The following OPN5 variants were observed in gnomAD, a reference collection of about 807,000 sequenced individuals.
OPN5 encodes opsin-5.
In OPN5, 18 loss-of-function variants were observed where a neutral mutation model predicts 41.7. The ratio of observed to expected loss-of-function variants is 0.43; its 90% CI spans 0.30 to 0.64. The LOEUF is 0.64. OPN5 is among the 30% of genes least tolerant of loss of function. The pLI is 0.13. For synonymous variants in OPN5, 178 were observed against 164.3 expected (o/e 1.08, Z -0.64); for missense variants, 318 against 434.5 (o/e 0.73, Z 2.38).
At position 47,795,200 on chromosome 6, in the gene OPN5, T is replaced by A. The variant is rs201214253; in HGVS notation, c.422-29T>A. 867 of 1,524,208 alleles carry A rather than the reference T, an allele frequency of 5.7e-4. 1 individual carries two copies. Among genetic ancestry groups the A allele is most frequent in the Non-Finnish European group, 7.2e-4 (810 of 1,128,366 alleles). The allele number at this position is 1,524,208 out of a possible 1,614,324, so 94.4% of individuals were successfully genotyped here. ...GTATCTGGGTGTAGGGCAGATTACA[T>A]CCGGGTAATGCTTTTCTTCCGCCTC... On this transcript the variant is annotated intron_variant, in intron 3 of 6. Transcript: ENST00000371211.
intron 6 of OPN5, 25 bp downstream of exon 6, chr6:47,811,756 T>C: frequency 1.3e-6 from 2 of 1,521,780 alleles, no homozygotes; most frequent in African/African-American, 1.4e-5. Flanking sequence ...ACAGCATCAC[T>C]ATGGACACTC....
chr6:47,793,436 G>A (rs966845669), intron 3 of OPN5, among the ~76,000 whole-genome samples: 6 of 152,126 alleles, frequency 3.9e-5, no homozygotes, highest in South Asian at 2.1e-4. Flanking sequence ...TCCACACAGC[G>A]TCCCAGAATG....
intron 1 of OPN5, among the ~76,000 whole-genome samples, 178 bp downstream of exon 1, chr6:47,782,374 T>C (rs1773111784): frequency 6.6e-6 from 1 of 152,178 alleles, no homozygotes; most frequent in Non-Finnish European, 1.5e-5. Context: ...TAGAAATGAC[T>C]CTTTATTATC....
chr6:47,824,905 G>A (rs541604961), downstream of OPN5: 1 of 144,450 alleles, frequency 6.9e-6, no homozygotes, highest in Non-Finnish European at 1.5e-5. Context: ...TTTTTACTTT[G>A]TTGGAAACTA....
intron 4 of OPN5, among the ~76,000 whole-genome samples, chr6:47,805,582 C>A (rs781772489): frequency 1.3e-5 from 2 of 152,022 alleles, no homozygotes; most frequent in Non-Finnish European, 2.9e-5. Flanking sequence ...GGCCAACACA[C>A]CCCATAGACA....
At chr6:47,796,024 C>T (rs1028296198) in intron 4 of OPN5, among the ~76,000 whole-genome samples, 2 of 152,104 alleles carry the variant, frequency 1.3e-5, no homozygotes, top group African/African-American at 4.8e-5. Flanking sequence ...TAAGAGTTTA[C>T]CATGTGTGCT....
chr6:47,804,341 T>G (rs1181048692), intron 4 of OPN5, among the ~76,000 whole-genome samples: 3 of 152,124 alleles, frequency 2.0e-5, no homozygotes, highest in African/African-American at 7.2e-5. Flanking sequence ...TAGAAAAAGT[T>G]GATGGGTACA....
exon 2 of OPN5, chr6:47,786,540 A>T (rs1489770291): frequency 1.9e-6 from 3 of 1,610,610 alleles, no homozygotes; most frequent in Admixed American, 1.7e-5. Flanking sequence ...TTGGAAATGG[A>T]TATGTCCTTT....
At chr6:47,786,381 A>G (rs1415377087) in intron 1 of OPN5, 134 bp from the exon 2 acceptor site, 1 of 641,666 alleles carries the variant, frequency 1.6e-6, no homozygotes, top group East Asian at 2.7e-5. Flanking sequence ...TTCTTAATTT[A>G]GATTTTTTTA....
intron 1 of OPN5, among the ~76,000 whole-genome samples, chr6:47,785,551 T>C (rs1773171912): frequency 6.6e-6 from 1 of 152,206 alleles, no homozygotes; most frequent in Admixed American, 6.5e-5. Context: ...TATTCCTTAC[T>C]ACTAAAGGCA....
intron 1 of OPN5, among the ~76,000 whole-genome samples, chr6:47,783,964 G>C (rs949703085): frequency 6.6e-6 from 1 of 152,150 alleles, no homozygotes; most frequent in Non-Finnish European, 1.5e-5. Context: ...TCTTAAGCAG[G>C]GAGGATTGCA....
At chr6:47,792,649 C>T (rs1469809053) in intron 3 of OPN5, among the ~76,000 whole-genome samples, 2 of 152,140 alleles carry the variant, frequency 1.3e-5, no homozygotes, top group Non-Finnish European at 2.9e-5. Flanking sequence ...TTGGAGCTCT[C>T]GGAATTTATC....
chr6:47,818,703 T>C (rs1762504396), intron 6 of OPN5, among the ~76,000 whole-genome samples: 1 of 152,196 alleles, frequency 6.6e-6, no homozygotes, highest in African/African-American at 2.4e-5. Context: ...CCCACCTATT[T>C]TGAGCTATTT....
chr6:47,806,658 A>G (rs925302033), intron 4 of OPN5, among the ~76,000 whole-genome samples: 2 of 152,176 alleles, frequency 1.3e-5, no homozygotes, highest in Non-Finnish European at 2.9e-5. Context: ...TGTCTCAAAG[A>G]ATACAGAATT....
intron 4 of OPN5, among the ~76,000 whole-genome samples, chr6:47,806,870 T>G (rs1420980729): frequency 6.6e-6 from 1 of 152,130 alleles, no homozygotes; most frequent in Non-Finnish European, 1.5e-5. Flanking sequence ...GTAACTCTCC[T>G]CAGTAGGCCA....
intron 2 of OPN5, among the ~76,000 whole-genome samples, chr6:47,788,700 A>G (rs1773269288): frequency 6.6e-6 from 1 of 151,748 alleles, no homozygotes; most frequent in South Asian, 2.1e-4. Context: ...TTATGCAACT[A>G]ATACTTGTTG....
intron 6 of OPN5, among the ~76,000 whole-genome samples, chr6:47,818,067 T>C (rs1353057375): frequency 1.3e-5 from 2 of 152,140 alleles, no homozygotes; most frequent in African/African-American, 4.8e-5. Flanking sequence ...GAAAGAAGGG[T>C]ATTTTCCTTA....
chr6:47,807,655 T>C (rs535996346), intron 4 of OPN5, among the ~76,000 whole-genome samples: 2 of 152,260 alleles, frequency 1.3e-5, no homozygotes, highest in African/African-American at 4.8e-5. Flanking sequence ...GTCTCACACC[T>C]GACAAAAATT....
intron 2 of OPN5, among the ~76,000 whole-genome samples, chr6:47,789,321 C>T (rs150530477): frequency 1.5e-3 from 223 of 152,222 alleles, no homozygotes; most frequent in African/African-American, 5.0e-3. Flanking sequence ...TTCCATCTAC[C>T]TGCTTTCTCT....
Sources: allele counts gnomAD v4.1 joint callset (sites outside exome capture counted in the v4.1 genomes callset), GRCh38; gene constraint gnomAD v4.1.1; transcripts MANE v1.5; gene names NCBI Gene and HGNC (gene_info 2026-07-23, HGNC 2026-07-21).